CFAP20DC: variants seen among roughly 807,000 people sequenced by gnomAD.
CFAP20DC encodes protein CFAP20DC.
Under a neutral mutation model 101.7 loss-of-function variants are expected in CFAP20DC, and 84 were observed. The ratio of observed to expected loss-of-function variants is 0.83; its 90% CI spans 0.69 to 0.99. The LOEUF is 0.99. CFAP20DC is among the 50% of genes least tolerant of loss of function. The pLI is 0.00. For missense variants in CFAP20DC, 1,007 were observed against 970.3 expected (o/e 1.04, Z -0.50); for synonymous variants, 359 against 351.2 (o/e 1.02, Z -0.25).
Position 58,845,863 on chromosome 3 carries a change from G to A in CFAP20DC, c.1971+3169C>T, listed in dbSNP as rs1264069656. Among the ~76,000 whole-genome samples the A allele has an allele frequency of 3.7e-4, 55 of 150,014 alleles. 1 individual carries two copies. The highest frequency in any genetic ancestry group is 1.3e-3 in the South Asian group (6 of 4,668). ...GGGTTGCAAGGCTGGTTCAATATAC[G>A]CAAATCAATAAATGTAATCCAGCAT... On this transcript the variant is annotated intron_variant, in intron 13 of 16. Coordinates refer to ENST00000482387, the MANE Select transcript of CFAP20DC (RefSeq NM_001394063.1).
chr3:58,939,289 G>A (rs541691580), intron 4 of CFAP20DC, among the ~76,000 whole-genome samples: 2 of 151,978 alleles, frequency 1.3e-5, no homozygotes, highest in East Asian at 3.8e-4. Context: ...GACGCTATTA[G>A]GTCTCTTCTG....
At chr3:58,730,784 C>G (rs562648791) in intron 3 of CFAP20DC, among the ~76,000 whole-genome samples, 1 of 152,254 alleles carries the variant, frequency 6.6e-6, no homozygotes, top group South Asian at 2.1e-4. Context: ...AAAATAACTA[C>G]AGAATTTTTT....
chr3:59,003,528 T>C (rs1286339804), intron 4 of CFAP20DC, among the ~76,000 whole-genome samples: 1 of 152,142 alleles, frequency 6.6e-6, no homozygotes, highest in Non-Finnish European at 1.5e-5. Flanking sequence ...TCCATAGGTA[T>C]CCCCATAAAA....
At chr3:58,736,682 C>T (rs1005144818) in intron 3 of CFAP20DC, among the ~76,000 whole-genome samples, 5 of 152,112 alleles carry the variant, frequency 3.3e-5, no homozygotes, top group Non-Finnish European at 5.9e-5. Flanking sequence ...AAATATTGAC[C>T]GTACTTATTA....
intron 15 of CFAP20DC, among the ~76,000 whole-genome samples, chr3:58,803,416 C>T (rs1052531242): frequency 6.6e-6 from 1 of 152,254 alleles, no homozygotes. Flanking sequence ...TATATTTTTT[C>T]ATATTAATTA....
chr3:58,970,631 C>T (rs971374204), intron 4 of CFAP20DC: 2 of 152,060 alleles, frequency 1.3e-5, no homozygotes, highest in African/African-American at 4.8e-5. Context: ...CCCTCAGAAA[C>T]CAATACAGTA....
At chr3:58,858,176 G>A (rs959318270) in intron 12 of CFAP20DC, among the ~76,000 whole-genome samples, 2 of 152,034 alleles carry the variant, frequency 1.3e-5, no homozygotes, top group African/African-American at 4.8e-5. Context: ...AATACAAAAT[G>A]CTTTTGATTT....
intron 15 of CFAP20DC, among the ~76,000 whole-genome samples, chr3:58,782,626 C>T (rs183177081): frequency 6.6e-6 from 1 of 151,960 alleles, no homozygotes; most frequent in South Asian, 2.1e-4. Flanking sequence ...TTTCTATACA[C>T]CAATAATGAA....
intron 15 of CFAP20DC, among the ~76,000 whole-genome samples, chr3:58,773,230 AT>A (rs1366714732): frequency 6.6e-6 from 1 of 151,932 alleles, no homozygotes; most frequent in Non-Finnish European, 1.5e-5. Flanking sequence ...CATGGTCTAA[AT>A]TGATCCTAGC....
chr3:58,984,125 A>G (rs2092676440), intron 4 of CFAP20DC, among the ~76,000 whole-genome samples: 1 of 152,242 alleles, frequency 6.6e-6, no homozygotes, highest in African/African-American at 2.4e-5. Context: ...GGAAGAATCC[A>G]GTTGGCAGGA....
At chr3:58,778,933 A>T (rs1390661575) in intron 15 of CFAP20DC, among the ~76,000 whole-genome samples, 1 of 152,216 alleles carries the variant, frequency 6.6e-6, no homozygotes, top group Non-Finnish European at 1.5e-5. Flanking sequence ...TGTCCCACCC[A>T]ACCAACACCA....
chr3:59,013,077 G>A (rs1160620413), intron 4 of CFAP20DC, among the ~76,000 whole-genome samples: 1 of 152,178 alleles, frequency 6.6e-6, no homozygotes, highest in Admixed American at 6.6e-5. Flanking sequence ...AAGGGCTAAA[G>A]GAGCAAATTA....
At chr3:58,965,116 G>C (rs953388154) in intron 4 of CFAP20DC, among the ~76,000 whole-genome samples, 2 of 152,090 alleles carry the variant, frequency 1.3e-5, no homozygotes, top group Non-Finnish European at 2.9e-5. Context: ...TTCCTGTCCA[G>C]GGCCCTGCAA....
chr3:58,860,973 A>G (rs536409914), intron 12 of CFAP20DC, among the ~76,000 whole-genome samples: 23 of 152,310 alleles, frequency 1.5e-4, no homozygotes, highest in Admixed American at 4.6e-4. Flanking sequence ...GGAATAAAAT[A>G]TATGATAAAG....
intron 14 of CFAP20DC, among the ~76,000 whole-genome samples, chr3:58,818,499 T>G (rs2075369095): frequency 6.6e-6 from 1 of 151,460 alleles, no homozygotes; most frequent in African/African-American, 2.4e-5. Flanking sequence ...TCCTAGTCTC[T>G]GATAAAACAG....
intron 16 of CFAP20DC, among the ~76,000 whole-genome samples, chr3:58,750,182 C>A (rs1156258432): frequency 6.6e-6 from 1 of 152,202 alleles, no homozygotes; most frequent in Non-Finnish European, 1.5e-5. Flanking sequence ...GAACCTCTGA[C>A]TCAAGGGCCA....
Position 58,869,112 on chromosome 3 carries a change from T to A in CFAP20DC, c.1015+216A>T, listed in dbSNP as rs150807073. Among the ~76,000 whole-genome samples the A allele has an allele frequency of 8.9e-4, 135 of 152,328 alleles. No homozygotes were observed. The highest frequency in any genetic ancestry group is 2.7e-3 in the African/African-American group (111 of 41,586). Reference sequence around the variant, plus strand: ...CCATAAAATAAAACACAGGGTATTATAGCAATTTGAAATAATGGAGAAAAC... The same window carrying A: ...CCATAAAATAAAACACAGGGTATTAAAGCAATTTGAAATAATGGAGAAAAC... On this transcript the variant is annotated intron_variant, in intron 9 of 16. Transcript: ENST00000482387. The surrounding 1 kb of genome is among the most constrained non-coding windows in gnomAD (Gnocchi z 4.3).
At chr3:58,969,421 A>C (rs1252931337) in intron 4 of CFAP20DC, among the ~76,000 whole-genome samples, 1 of 152,184 alleles carries the variant, frequency 6.6e-6, no homozygotes. Flanking sequence ...CTTTGGAAAC[A>C]GTTTCAAATA....
At chr3:58,875,146 C>T (rs957167858) in intron 7 of CFAP20DC, among the ~76,000 whole-genome samples, 3 of 152,202 alleles carry the variant, frequency 2.0e-5, no homozygotes, top group Admixed American at 6.5e-5. Flanking sequence ...ATGCTCTCAA[C>T]AGTAGCAGTG....
Sources: allele counts gnomAD v4.1 joint callset (sites outside exome capture counted in the v4.1 genomes callset), GRCh38; gene constraint gnomAD v4.1.1; non-coding constraint Gnocchi (gnomAD v3.1); transcripts MANE v1.5; gene names NCBI Gene and HGNC (gene_info 2026-07-23, HGNC 2026-07-21).